The following PTPRM variants were observed in gnomAD, a reference collection of about 807,000 sequenced individuals.
PTPRM encodes the protein receptor-type tyrosine-protein phosphatase mu.
Under a neutral mutation model 186.7 loss-of-function variants are expected in PTPRM, and 47 were observed. The ratio of observed to expected loss-of-function variants is 0.25; its 90% CI spans 0.20 to 0.32. PTPRM has a LOEUF of 0.32. PTPRM is among the 10% of genes least tolerant of loss of function. The pLI, the probability that PTPRM is intolerant of heterozygous loss-of-function variation, is 1.00. For missense variants in PTPRM, 1,494 were observed against 1,865.0 expected (o/e 0.80, Z 3.66); for synonymous variants, 668 against 674.9 (o/e 0.99, Z 0.16).
intron 19 of PTPRM, among the ~76,000 whole-genome samples, chr18:8,263,678 AAC>A (rs1326714000): frequency 6.6e-6 from 1 of 152,110 alleles, no homozygotes; most frequent in Admixed American, 6.5e-5. Context: ...CCCACACACC[AAC>A]CTCCAGCGAA....
At chr18:7,669,745 G>A (rs1210754450) in intron 1 of PTPRM, among the ~76,000 whole-genome samples, 8 of 152,028 alleles carry the variant, frequency 5.3e-5, no homozygotes, top group African/African-American at 7.2e-5. Context: ...TTTTTGAGAC[G>A]GAGTTTTGCT....
chr18:8,227,827 A>T (rs926538305), intron 14 of PTPRM, among the ~76,000 whole-genome samples: 1 of 152,210 alleles, frequency 6.6e-6, no homozygotes, highest in Non-Finnish European at 1.5e-5. Context: ...GGAATTCAGC[A>T]GCATAAGCCA....
chr18:8,327,967 G>A (rs1257096212), intron 22 of PTPRM, among the ~76,000 whole-genome samples: 2 of 152,124 alleles, frequency 1.3e-5, no homozygotes, highest in East Asian at 3.9e-4. Flanking sequence ...ACTTTTATGT[G>A]AAAATAATAA....
chr18:8,331,412 T>C (rs2095411646), intron 22 of PTPRM, among the ~76,000 whole-genome samples: 1 of 152,216 alleles, frequency 6.6e-6, no homozygotes, highest in Non-Finnish European at 1.5e-5. Context: ...AACCATGTTT[T>C]ATGTCAGTAA....
intron 2 of PTPRM, among the ~76,000 whole-genome samples, chr18:7,874,514 A>G (rs2048133748): frequency 6.6e-6 from 1 of 152,092 alleles, no homozygotes; most frequent in South Asian, 2.1e-4. Context: ...TGAAGCTTTT[A>G]AAAAATGAAA....
chr18:7,953,397 G>A (rs569358235), intron 6 of PTPRM, among the ~76,000 whole-genome samples: 142 of 152,146 alleles, frequency 9.3e-4, no homozygotes, highest in African/African-American at 3.1e-3. Flanking sequence ...TTCATGTCTC[G>A]GTTCAAGGAA....
chr18:8,251,195 G>A (rs576906226), intron 17 of PTPRM, among the ~76,000 whole-genome samples: 282 of 152,280 alleles, frequency 1.9e-3, no homozygotes, highest in African/African-American at 6.5e-3. Context: ...TCAGAGCATT[G>A]CTAGGTTGCT....
chr18:8,011,750 G>A (rs189846774), intron 7 of PTPRM, among the ~76,000 whole-genome samples: 103 of 152,274 alleles, frequency 6.8e-4, no homozygotes, highest in African/African-American at 2.2e-3. Context: ...TGGCTAATTA[G>A]TTCAACTAGA....
intron 2 of PTPRM, among the ~76,000 whole-genome samples, chr18:7,811,395 C>G (rs1022609398): frequency 6.6e-5 from 10 of 152,202 alleles, no homozygotes; most frequent in African/African-American, 1.7e-4. Context: ...TCTTCCTCTG[C>G]TGCTTAGCAT....
intron 1 of PTPRM, 33 bp from the exon 2 acceptor site, chr18:7,774,116 A>T (rs2042467318): frequency 6.3e-7 from 1 of 1,585,474 alleles, no homozygotes. Flanking sequence ...TCTGGTTGGT[A>T]TTTACATTAC....
chr18:8,075,716 A>G (rs1210224118), intron 8 of PTPRM, among the ~76,000 whole-genome samples: 1 of 152,162 alleles, frequency 6.6e-6, no homozygotes, highest in Non-Finnish European at 1.5e-5. Context: ...TATAGTATTA[A>G]CAAATAAAAT....
intron 1 of PTPRM, among the ~76,000 whole-genome samples, chr18:7,699,347 G>T (rs1211579134): frequency 6.6e-6 from 1 of 152,030 alleles, no homozygotes; most frequent in African/African-American, 2.4e-5. Context: ...TTTTCTACTT[G>T]CTAGGTTGCA....
chr18:7,801,024 T>C (rs1458881350), intron 2 of PTPRM, among the ~76,000 whole-genome samples: 1 of 152,034 alleles, frequency 6.6e-6, no homozygotes, highest in Admixed American at 6.6e-5. Flanking sequence ...AGTGAGTGAG[T>C]GGTGAGTGAA....
intron 3 of PTPRM, among the ~76,000 whole-genome samples, chr18:7,899,269 C>T (rs1567985725): frequency 6.6e-6 from 1 of 152,232 alleles, no homozygotes; most frequent in Non-Finnish European, 1.5e-5. Flanking sequence ...GGCGACAGAA[C>T]ATTGCCCTGC....
rs918236973 is a variant in PTPRM, at chr18:8,003,046, A to G, written c.1132+47632A>G. Among the ~76,000 whole-genome samples the G allele has an allele frequency of 2.0e-5, 3 of 152,216 alleles. No individual in the cohort carries two copies. In the South Asian group the frequency reaches 6.2e-4, roughly 32 times the overall value. ...GGCATTTGCTTTTGTGCTGTTACCC[A>G]GAGTGTTTCTCATTTTGCCATGGCT... On this transcript the variant is annotated intron_variant, in intron 7 of 32. Coordinates refer to ENST00000580170, the MANE Select transcript of PTPRM (RefSeq NM_001105244.2).
At position 8,406,094 on chromosome 18, in the gene PTPRM, C is replaced by T. The variant is rs746790045; in HGVS notation, c.4345-15C>T. On this transcript the variant is annotated splice_polypyrimidine_tract_variant and intron_variant, in intron 32 of 32. Transcript: ENST00000580170. ...AGATATTCTTGAGCTGACACTTTCC[C>T]CTCCTGTTTTCCAGGATCAGTACAA... is the stretch of plus-strand genomic sequence containing the variant. The T allele has an allele frequency of 2.5e-6, 4 of 1,613,426 alleles. No individual in the cohort carries two copies. In the South Asian group the frequency reaches 4.4e-5, roughly 18 times the overall value.
At chr18:7,843,440 T>C (rs1320931921) in intron 2 of PTPRM, among the ~76,000 whole-genome samples, 1 of 152,162 alleles carries the variant, frequency 6.6e-6, no homozygotes, top group Non-Finnish European at 1.5e-5. Flanking sequence ...TTATAGATAG[T>C]TTATTCAGGG....
chr18:8,107,542 G>A (rs536674766), intron 11 of PTPRM, among the ~76,000 whole-genome samples: 1 of 152,272 alleles, frequency 6.6e-6, no homozygotes, highest in Admixed American at 6.5e-5. Flanking sequence ...GAGTATGGGA[G>A]CATGTGCACA....
chr18:8,390,922 T>C (rs7230267), intron 31 of PTPRM, among the ~76,000 whole-genome samples: 10,604 of 131,998 alleles, frequency 0.08, 431 homozygotes, highest in East Asian at 0.14. Flanking sequence ...AGCAAGACTC[T>C]GTCTCAAAAA....
Sources: allele counts gnomAD v4.1 joint callset (sites outside exome capture counted in the v4.1 genomes callset), GRCh38; gene constraint gnomAD v4.1.1; transcripts MANE v1.5; gene names NCBI Gene and HGNC (gene_info 2026-07-23, HGNC 2026-07-21).